The following FARP2 variants were observed in gnomAD, a reference collection of about 807,000 sequenced individuals.
FARP2 encodes the protein FERM, ARH/RhoGEF and pleckstrin domain protein 2.
In FARP2, 111 loss-of-function variants were observed where a neutral mutation model predicts 130.5. That is an observed-to-expected ratio of 0.85 (90% CI 0.73 to 1.00). FARP2 has a LOEUF of 1.00. Among genes scored for constraint, FARP2 ranks in the 50% least tolerant of loss-of-function variants. The pLI, the probability that FARP2 is intolerant of heterozygous loss-of-function variation, is 0.00. For synonymous variants in FARP2, 504 were observed against 516.9 expected, an observed-to-expected ratio of 0.98 and a Z score of 0.34; for missense variants, 1,385 against 1,346.3, an observed-to-expected ratio of 1.03 and a Z score of -0.45.
In FARP2 at chr2:241,418,118, G is replaced by A; in HGVS notation, c.771+9G>A. On this transcript the variant is annotated intron_variant, in intron 8 of 26. Transcript: ENST00000264042. ...GTGTACTCGTGTTCCAGGTAGGCCA[G>A]TGGGGAAGGGAGGGGTGAGAACAGG... is the stretch of plus-strand genomic sequence containing the variant. 1 of 1,614,218 alleles carries A rather than the reference G, an allele frequency of 6.2e-7. No homozygotes were observed. The highest frequency in any genetic ancestry group is 8.5e-7 in the Non-Finnish European group (1 of 1,180,036).
chr2:241,463,294 A>G (rs2150474670), intron 15 of FARP2, 41 bp from the exon 16 acceptor site: 2 of 1,600,412 alleles, frequency 1.2e-6, no homozygotes, highest in Non-Finnish European at 1.7e-6. Flanking sequence ...TCAGTCCCCA[A>G]CAAGAGCCAC....
chr2:241,422,260 CAAAAAAA>C (rs1198628886), intron 8 of FARP2, among the ~76,000 whole-genome samples: 30 of 91,972 alleles, frequency 3.3e-4, no homozygotes, highest in South Asian at 2.5e-3. Flanking sequence ...ACTAAAAATA[CAAAAAAA>C]AAAAAAAAAA....
chr2:241,436,933 C>A (rs1037122390), intron 12 of FARP2, among the ~76,000 whole-genome samples: 1 of 152,126 alleles, frequency 6.6e-6, no homozygotes, highest in Non-Finnish European at 1.5e-5. Context: ...CTACAGTGAG[C>A]CAAGATAGTG....
intron 8 of FARP2, among the ~76,000 whole-genome samples, chr2:241,428,590 GT>G (rs76186317): frequency 0.17 from 25,252 of 151,082 alleles, 2,488 homozygotes; most frequent in East Asian, 0.4. Flanking sequence ...AGACCCTAAT[GT>G]TTGTATCTTG....
At chr2:241,435,306 A>G (rs1359204656) in intron 11 of FARP2, among the ~76,000 whole-genome samples, 1 of 141,438 alleles carries the variant, frequency 7.1e-6, no homozygotes, top group Non-Finnish European at 1.5e-5. Context: ...AGGTCTTGCT[A>G]TGTTGCCCAG....
intron 14 of FARP2, among the ~76,000 whole-genome samples, chr2:241,461,045 C>T (rs1406759195): frequency 6.6e-6 from 1 of 152,198 alleles, no homozygotes; most frequent in Non-Finnish European, 1.5e-5. Context: ...GCAGGCTCTG[C>T]TAAACTTCAC....
At chr2:241,398,931 G>A (rs990825288) in intron 2 of FARP2, among the ~76,000 whole-genome samples, 2 of 152,096 alleles carry the variant, frequency 1.3e-5, no homozygotes, top group Non-Finnish European at 2.9e-5. Context: ...TTTATACCCC[G>A]GACTGGAATT....
At chr2:241,426,948 A>G (rs1187847121) in intron 8 of FARP2, among the ~76,000 whole-genome samples, 1 of 152,156 alleles carries the variant, frequency 6.6e-6, no homozygotes, top group Non-Finnish European at 1.5e-5. Flanking sequence ...ATAAAAAACA[A>G]TACAGGCTGG....
At chr2:241,427,318 G>A (rs972752936) in intron 8 of FARP2, among the ~76,000 whole-genome samples, 5 of 152,070 alleles carry the variant, frequency 3.3e-5, no homozygotes, top group Admixed American at 6.6e-5. Context: ...ACTATGTGAC[G>A]TTTACATTGT....
At chr2:241,466,000 T>C (rs2150481662) in intron 17 of FARP2, 26 of 1,372,594 alleles carry the variant, frequency 1.9e-5, no homozygotes, top group Non-Finnish European at 2.4e-5. Context: ...TAATTTAAAA[T>C]TGAAATATAC....
At chr2:241,474,703 A>G (rs2064409398) in intron 18 of FARP2, among the ~76,000 whole-genome samples, 4 of 151,494 alleles carry the variant, frequency 2.6e-5, no homozygotes, top group South Asian at 2.1e-4. Context: ...GAGGCACAAG[A>G]GTTGCTTGAA....
chr2:241,416,485 C>G (rs975308519), intron 7 of FARP2, among the ~76,000 whole-genome samples: 1 of 151,972 alleles, frequency 6.6e-6, no homozygotes, highest in East Asian at 1.9e-4. Context: ...AATATTGTAC[C>G]TTTATTTTAA....
At position 241,462,520 on chromosome 2, in the gene FARP2, C is replaced by T. The variant is rs759451984; in HGVS notation, c.1588-3C>T. ...CACACTTACAGCTCTCTGCTTCTTT[C>T]AGCGCGTGCCTGCAGACGAGGCCTA... On this transcript the variant is annotated splice_polypyrimidine_tract_variant and splice_region_variant and intron_variant, in intron 14 of 26. Transcript: ENST00000264042. 8 of 1,611,304 alleles carry T rather than the reference C, an allele frequency of 5.0e-6. No individual in the cohort carries two copies. The highest frequency in any genetic ancestry group is 5.9e-6 in the Non-Finnish European group (7 of 1,177,422).
rs1553705591 is a variant in FARP2, at chr2:241,366,100, A to ATAT, written c.-24-6984_-24-6983insTAT. ...TGAGACCTCATCACTACTAAAAAAA[A>ATAT]AAAAATATATATATATATATACGTA... On this transcript the variant is annotated intron_variant, in intron 1 of 26. Transcript: ENST00000264042. Among the ~76,000 whole-genome samples, 19 of 9,246 alleles carry ATAT rather than the reference A, an allele frequency of 2.1e-3. 1 individual carries two copies. Among genetic ancestry groups the ATAT allele is most frequent in the Admixed American group, 0.019 (9 of 486 alleles). The allele number at this position is 9,246 out of a possible 152,430, so 6.1% of individuals were successfully genotyped here.
At chr2:241,360,910 A>G (rs1015502931) in intron 1 of FARP2, among the ~76,000 whole-genome samples, 1 of 152,118 alleles carries the variant, frequency 6.6e-6, no homozygotes, top group African/African-American at 2.4e-5. Flanking sequence ...TTGATAGGGT[A>G]CATAAAACTT....
chr2:241,464,240 G>T (rs1209875972), intron 17 of FARP2, among the ~76,000 whole-genome samples: 2 of 149,060 alleles, frequency 1.3e-5, no homozygotes, highest in Non-Finnish European at 3.0e-5. Context: ...CCCCCTCAGA[G>T]CAGGGTCTCC....
chr2:241,434,303 GCTC>G lies in FARP2; in HGVS notation c.1019_1021del (p.Ser340del). On this transcript the variant is annotated inframe_deletion, in exon 10 of 27. Coordinates refer to ENST00000264042, the MANE Select transcript of FARP2 (RefSeq NM_014808.4). The stretch of plus-strand genomic sequence containing the variant: ...GCAAAAGCCGTCTTCTTCAGCCGGG[GCTC>G]CTCCTTCAGATACAGGTAGGGGCCA... 6.2e-7 allele frequency: 1 copy of G among 1,612,378 alleles called. No individual in the cohort carries two copies. Among genetic ancestry groups the G allele is most frequent in the Non-Finnish European group, 8.5e-7 (1 of 1,179,438 alleles).
chr2:241,491,459 T>G (rs558818703), intron 23 of FARP2, 57 bp from the exon 24 acceptor site: 2 of 1,594,150 alleles, frequency 1.3e-6, no homozygotes, highest in South Asian at 2.2e-5. Context: ...GGTGGAAGTA[T>G]TTGGCAAGCA....
At chr2:241,485,478 G>A (rs1311647949) in intron 21 of FARP2, among the ~76,000 whole-genome samples, 5 of 136,238 alleles carry the variant, frequency 3.7e-5, no homozygotes, top group African/African-American at 5.6e-5. Flanking sequence ...TCCCTCCATC[G>A]GCTTCTCCCT....
Sources: gnomAD v4.1 joint callset for allele counts (sites outside exome capture counted in the v4.1 genomes callset) on GRCh38, gnomAD v4.1.1 for gene constraint, MANE v1.5 for transcripts, NCBI Gene and HGNC (gene_info 2026-07-23, HGNC 2026-07-21) for gene names.